PTGFRN: variants seen among roughly 807,000 people sequenced by gnomAD.
The protein encoded by PTGFRN is prostaglandin F2 receptor negative regulator.
A neutral mutation model predicts 83.2 loss-of-function variants in PTGFRN; 35 were observed. The ratio of observed to expected loss-of-function variants is 0.42; its 90% CI spans 0.32 to 0.56. The LOEUF (loss-of-function observed/expected upper bound fraction) is 0.56, where lower values mean the gene tolerates loss of function less well. Among genes scored for constraint, PTGFRN ranks in the 20% least tolerant of loss-of-function variants. The probability of loss-of-function intolerance (pLI) is 0.11; values close to 1 mark genes in which losing one functional copy is unlikely to be tolerated. For synonymous variants in PTGFRN, 519 were observed against 498.6 expected, an observed-to-expected ratio of 1.04 and a Z score of -0.55; for missense variants, 1,051 against 1,179.5, an observed-to-expected ratio of 0.89 and a Z score of 1.60.
At position 116,941,753 on chromosome 1, in the gene PTGFRN, A is replaced by T; in HGVS notation, c.88A>T (p.Thr30Ser). ...GCGTGTGGTGAGAGTCCCCACAGCG[A>T]CCCTGGTTCGAGTGGTGGGCACTGA... ...RGRVVRVPTA[T>S]LVRVVGTELV... is the part of the protein sequence containing the mutation. Residue 30 changes from threonine to serine, a missense_variant, in exon 2 of 9, where the codon ACC becomes TCC. Around this residue, in one of 3 missense-constraint regions of PTGFRN, gnomAD observed 127 missense variants for 168.4 expected, o/e 0.75. Coordinates refer to ENST00000393203, the MANE Select transcript of PTGFRN (RefSeq NM_020440.4). This position sits in a 1 kb window ranked among gnomAD's most constrained non-coding sequence, Gnocchi z 5.0. 6.2e-7 allele frequency: 1 copy of T among 1,614,002 alleles called. No homozygotes were observed. Among genetic ancestry groups the T allele is most frequent in the South Asian group, 1.1e-5 (1 of 91,066 alleles).
Position 116,987,141 on chromosome 1 carries a change from A to G in PTGFRN, c.*174A>G. 1.5e-6 allele frequency: 1 copy of G among 667,894 alleles called. No homozygotes were observed. Among genetic ancestry groups the G allele is most frequent in the Non-Finnish European group, 2.5e-6 (1 of 403,932 alleles). The allele number at this position is 667,894 out of a possible 1,614,324, so 41.4% of individuals were successfully genotyped here. A position where few individuals can be genotyped will look rare whatever the true frequency, so the allele number is the denominator to read the frequency against. On this transcript the variant is annotated 3_prime_UTR_variant, in exon 9 of 9. Coordinates refer to ENST00000393203, the MANE Select transcript of PTGFRN (RefSeq NM_020440.4). ...TCAAGTTCTGAGCGCGGACATGTTT[A>G]CCAGCACACGGCTCTTCTTCCCACG...
rs1468975387 is a variant in PTGFRN at position 116,909,974 on chromosome 1, C to T, written c.-230C>T. 1 of 579,004 alleles carries T rather than the reference C, an allele frequency of 1.7e-6. No individual in the cohort carries two copies. Among genetic ancestry groups the T allele is most frequent in the Non-Finnish European group, 3.0e-6 (1 of 328,234 alleles). 35.9% of individuals were successfully genotyped at this position (579,004 alleles called of 1,614,324 possible). A position where few individuals can be genotyped will look rare whatever the true frequency, so the allele number is the denominator to read the frequency against. On this transcript the variant is annotated 5_prime_UTR_variant, in exon 1 of 9. Coordinates refer to ENST00000393203, the MANE Select transcript of PTGFRN (RefSeq NM_020440.4). The stretch of plus-strand genomic sequence containing the variant: ...CACTCGGATCGGCGGGGCCGGCTCC[C>T]GGGCCCGGCCGGCTGGAGGAGGGAG...
At chr1:116,935,536 A>G (rs1014932158) in intron 1 of PTGFRN, among the ~76,000 whole-genome samples, 12 of 152,206 alleles carry the variant, frequency 7.9e-5, no homozygotes, top group Admixed American at 7.9e-4. Flanking sequence ...CTATGATAGC[A>G]AAAAGCAAAA....
rs150218655 is a variant in PTGFRN at position 116,941,517 on chromosome 1, A to T, written c.50-198A>T. On this transcript the variant is annotated intron_variant, in intron 1 of 8. Coordinates refer to ENST00000393203, the MANE Select transcript of PTGFRN (RefSeq NM_020440.4). This position sits in a 1 kb window ranked among gnomAD's most constrained non-coding sequence, Gnocchi z 5.0. ...TCCTGGGAAACTGGTTGTGTGAGAG[A>T]TGCTCATTTTGAGGTTGCATTCCTG... Among the ~76,000 whole-genome samples the T allele has an allele frequency of 1.8e-4, 27 of 152,270 alleles. 1 individual carries two copies. The East Asian group carries it at 5.2e-3, about 29-fold the overall frequency.
At chr1:116,965,788 A>G (rs2101079317) in intron 5 of PTGFRN, among the ~76,000 whole-genome samples, 1 of 152,316 alleles carries the variant, frequency 6.6e-6, no homozygotes, top group South Asian at 2.1e-4. Flanking sequence ...TCACTGGCAT[A>G]TAAAGGGAGG....
chr1:116,968,468 T>C (rs1456728355), intron 6 of PTGFRN, among the ~76,000 whole-genome samples: 1 of 152,110 alleles, frequency 6.6e-6, no homozygotes, highest in African/African-American at 2.4e-5. Context: ...AGGGTAAATA[T>C]TGATTTAAGC....
At chr1:116,968,639 ACTAT>A (rs948137224) in intron 6 of PTGFRN, among the ~76,000 whole-genome samples, 5 of 152,134 alleles carry the variant, frequency 3.3e-5, no homozygotes, top group African/African-American at 7.2e-5. Context: ...AACTATCACT[ACTAT>A]CTAATTCCAG....
In PTGFRN at chr1:116,987,855, G is replaced by A. The variant is rs10801923; in HGVS notation, c.*888G>A. On this transcript the variant is annotated 3_prime_UTR_variant, in exon 9 of 9. Transcript: ENST00000393203. ...CACTGTGTCTCAGGGGACTCCAGGA[G>A]GAGCAGAAGAGGGATCCCACGAAGT... is the stretch of plus-strand genomic sequence containing the variant. The A allele has an allele frequency of 0.55, 83,552 of 152,402 alleles. 23,114 individuals carry two copies. Among genetic ancestry groups the A allele is most frequent in the East Asian group, 0.67 (3,437 of 5,164 alleles). The allele number at this position is 152,402 out of a possible 1,614,324, so 9.4% of individuals were successfully genotyped here. A position where few individuals can be genotyped will look rare whatever the true frequency, so the allele number is the denominator to read the frequency against.
Position 116,989,867 on chromosome 1 carries a change from C to G in PTGFRN, c.*2900C>G, listed in dbSNP as rs1265162789. ...CACCATCTGAGGGGCTCCCTGAGAT[C>G]TTGGTAGAGGAGGCCCCTCCTGCCC... On this transcript the variant is annotated 3_prime_UTR_variant, in exon 9 of 9. Transcript: ENST00000393203. The G allele has an allele frequency of 6.6e-6, 1 of 152,560 alleles. No individual in the cohort carries two copies. The highest frequency in any genetic ancestry group is 1.5e-5 in the Non-Finnish European group (1 of 68,016). The allele number at this position is 152,560 out of a possible 1,614,324, so 9.5% of individuals were successfully genotyped here.
At chr1:116,929,816 A>C (rs1439687458) in intron 1 of PTGFRN, among the ~76,000 whole-genome samples, 1 of 152,174 alleles carries the variant, frequency 6.6e-6, no homozygotes, top group African/African-American at 2.4e-5. Flanking sequence ...TGGGGGACTG[A>C]CTGGCTGACT....
chr1:116,982,092 G>A (rs1315958304), intron 7 of PTGFRN, among the ~76,000 whole-genome samples: 1 of 152,214 alleles, frequency 6.6e-6, no homozygotes, highest in Non-Finnish European at 1.5e-5. Context: ...GAAAGTGATG[G>A]TAAAACTAGA....
At chr1:116,919,559 G>T (rs560186890) in intron 1 of PTGFRN, among the ~76,000 whole-genome samples, 6 of 152,262 alleles carry the variant, frequency 3.9e-5, no homozygotes, top group African/African-American at 1.4e-4. Flanking sequence ...TTCCATAGAT[G>T]AACTTATTTA....
chr1:116,949,229 T>C lies in PTGFRN; in HGVS notation c.870T>C (p.Ala290=), dbSNP rs751042396. ...RAAVPKNVSV[A]EGKELDLTCN... is the part of the protein sequence containing the mutation. ...CTGTGCCCAAGAATGTGTCTGTGGCTGAAGGAAAGGAACTGGACCTGACCT... is the reference window on the plus strand; with the variant it reads ...CTGTGCCCAAGAATGTGTCTGTGGCCGAAGGAAAGGAACTGGACCTGACCT... The change falls in exon 4 of 9, where the codon GCT becomes GCC. Residue 290 remains alanine, a synonymous_variant. Coordinates refer to ENST00000393203, the MANE Select transcript of PTGFRN (RefSeq NM_020440.4). The C allele has an allele frequency of 2.2e-5, 35 of 1,605,586 alleles. No individual in the cohort carries two copies. The Admixed American group carries it at 5.9e-4, about 27-fold the overall frequency.
chr1:116,931,320 C>T (rs1649796637), intron 1 of PTGFRN, among the ~76,000 whole-genome samples: 1 of 152,108 alleles, frequency 6.6e-6, no homozygotes, highest in African/African-American at 2.4e-5. Flanking sequence ...TGTTCCACAC[C>T]TCCTGACTCT....
At position 116,988,718 on chromosome 1, in the gene PTGFRN, C is replaced by T. The variant is rs1388090135; in HGVS notation, c.*1751C>T. 6.5e-6 allele frequency: 1 copy of T among 152,892 alleles called. No individual in the cohort carries two copies. The highest frequency in any genetic ancestry group is 2.4e-5 in the African/African-American group (1 of 41,448). 9.5% of individuals were successfully genotyped at this position (152,892 alleles called of 1,614,324 possible). A position where few individuals can be genotyped will look rare whatever the true frequency, so the allele number is the denominator to read the frequency against. ...TTCTGCACTTATCACCGAGTCGCCC[C>T]TGGAAGCAGATTCCCATTGAGTTTT... On this transcript the variant is annotated 3_prime_UTR_variant, in exon 9 of 9. Coordinates refer to ENST00000393203, the MANE Select transcript of PTGFRN (RefSeq NM_020440.4).
intron 1 of PTGFRN, among the ~76,000 whole-genome samples, chr1:116,913,757 C>A (rs767648267): frequency 3.3e-5 from 5 of 152,086 alleles, no homozygotes; most frequent in African/African-American, 1.2e-4. Flanking sequence ...GTCATTTTAT[C>A]TGTGGGAATG....
chr1:116,910,535 C>G (rs975709668), intron 1 of PTGFRN, among the ~76,000 whole-genome samples: 2 of 151,904 alleles, frequency 1.3e-5, no homozygotes, highest in African/African-American at 4.8e-5. Context: ...GGCCCGGGGC[C>G]GTCTTTCCCC....
intron 7 of PTGFRN, among the ~76,000 whole-genome samples, chr1:116,976,213 T>C (rs554295574): frequency 8.1e-4 from 124 of 152,242 alleles, no homozygotes; most frequent in African/African-American, 2.8e-3. Flanking sequence ...CCAAGAAATA[T>C]GGGACTATGT....
At chr1:116,921,234 A>G (rs533259436) in intron 1 of PTGFRN, among the ~76,000 whole-genome samples, 35 of 152,314 alleles carry the variant, frequency 2.3e-4, no homozygotes, top group African/African-American at 7.7e-4. Flanking sequence ...TTTTGGATGC[A>G]GATATTTTTG....
Sources: allele counts gnomAD v4.1 joint callset (sites outside exome capture counted in the v4.1 genomes callset), GRCh38; gene constraint gnomAD v4.1.1; regional missense constraint gnomAD v4.1.1; non-coding constraint Gnocchi (gnomAD v3.1); transcripts MANE v1.5; gene names NCBI Gene and HGNC (gene_info 2026-07-23, HGNC 2026-07-21).